Variants in PKD2L2 observed in about 807,000 individuals in gnomAD.
The protein encoded by PKD2L2 is polycystin 2 like 2, transient receptor potential cation channel.
Under a neutral mutation model 83.9 loss-of-function variants are expected in PKD2L2, and 67 were observed. The observed-to-expected ratio is 0.80, with a 90% confidence interval of 0.66 to 0.98. The LOEUF is 0.98. Among genes scored for constraint, PKD2L2 ranks in the 50% least tolerant of loss-of-function variants. PKD2L2 has a pLI of 0.00. For missense variants in PKD2L2, 632 were observed against 717.2 expected (o/e 0.88, Z 1.36); for synonymous variants, 223 against 237.8 (o/e 0.94, Z 0.57).
At chr5:137,906,090 TA>T (rs201291362) in intron 5 of PKD2L2, 115 bp from the exon 6 acceptor site, 101 of 613,742 alleles carry the variant, frequency 1.6e-4, no homozygotes, top group Non-Finnish European at 2.3e-4. Flanking sequence ...AATACTTTAT[TA>T]AAAAAAACTG....
At chr5:137,922,646 G>A (rs1024097894) in intron 9 of PKD2L2, among the ~76,000 whole-genome samples, 3 of 152,074 alleles carry the variant, frequency 2.0e-5, no homozygotes, top group African/African-American at 7.2e-5. Context: ...GCTGGGGCAT[G>A]AGAATCGCTT....
chr5:137,894,356 AT>A lies in PKD2L2; in HGVS notation c.272del (p.Met91ArgfsTer23). On this transcript the variant is annotated frameshift_variant, in exon 4 of 15. Transcript: ENST00000508883. LOFTEE classifies it high-confidence loss of function. Reference protein sequence around the residue: ...IRSITDFWKFMEGPLLEGLYW... With the variant: ...IRSITDFWKFXEGPLLEGLYW... Reference sequence around the variant, plus strand: ...ACATTTGTTTTTCTCTGTGGAGTTTATGGAAGGACCCCTTTTGGAAGGTCTG... The same window carrying A: ...ACATTTGTTTTTCTCTGTGGAGTTTAGGAAGGACCCCTTTTGGAAGGTCTG... The A allele has an allele frequency of 6.3e-7, 1 of 1,597,616 alleles. No homozygotes were observed. Among genetic ancestry groups the A allele is most frequent in the Non-Finnish European group, 8.5e-7 (1 of 1,176,382 alleles).
intron 8 of PKD2L2, among the ~76,000 whole-genome samples, chr5:137,920,609 T>C (rs1161284517): frequency 6.6e-6 from 1 of 151,866 alleles, no homozygotes; most frequent in African/African-American, 2.4e-5. Flanking sequence ...ATACAAAAAT[T>C]AGCTGGGCGT....
intron 8 of PKD2L2, among the ~76,000 whole-genome samples, chr5:137,914,868 C>T (rs925795423): frequency 1.3e-5 from 2 of 152,008 alleles, no homozygotes; most frequent in Non-Finnish European, 2.9e-5. Context: ...TTTTTTCTGC[C>T]TCTATTAAGA....
chr5:137,907,946 C>G (rs779072719), intron 7 of PKD2L2, 34 bp downstream of exon 7: 2 of 918,292 alleles, frequency 2.2e-6, no homozygotes, highest in Non-Finnish European at 3.2e-6. Context: ...ATAATACAAG[C>G]AGTGTAATAG....
chr5:137,911,437 G>A (rs1440334224), intron 8 of PKD2L2, among the ~76,000 whole-genome samples: 1 of 152,174 alleles, frequency 6.6e-6, no homozygotes, highest in Non-Finnish European at 1.5e-5. Context: ...GAACATGGAT[G>A]TATAAATATC....
At chr5:137,923,241 C>T (rs1294042616) in intron 9 of PKD2L2, among the ~76,000 whole-genome samples, 179 bp from the exon 10 acceptor site, 1 of 152,086 alleles carries the variant, frequency 6.6e-6, no homozygotes, top group Non-Finnish European at 1.5e-5. Flanking sequence ...ATCTTGAACT[C>T]CTGTCCTCAA....
rs562456982 is a variant in PKD2L2 at position 137,897,000 on chromosome 5, C to T, written c.524+2391C>T. On this transcript the variant is annotated intron_variant, in intron 4 of 14. Transcript: ENST00000508883. The stretch of plus-strand genomic sequence containing the variant: ...GAGGACTTGTATGATTCTTATAAAT[C>T]GAATACATTCATAAGTATGATGATA... 1.6e-4 allele frequency among the ~76,000 whole-genome samples: 24 copies of T among 147,078 alleles called. No individual in the cohort carries two copies. The South Asian group carries it at 4.3e-3, about 26-fold the overall frequency.
chr5:137,897,684 C>T (rs1253412921), intron 4 of PKD2L2, among the ~76,000 whole-genome samples: 1 of 152,162 alleles, frequency 6.6e-6, no homozygotes, highest in African/African-American at 2.4e-5. Flanking sequence ...TCTGGTGTAA[C>T]AGATCTTCCT....
chr5:137,910,511 G>A (rs571712970), intron 8 of PKD2L2, among the ~76,000 whole-genome samples: 5 of 151,936 alleles, frequency 3.3e-5, no homozygotes, highest in South Asian at 2.1e-4. Context: ...GATGGTTCGC[G>A]CCTGTAATGC....
At chr5:137,908,407 G>A (rs1472528361) in intron 7 of PKD2L2, among the ~76,000 whole-genome samples, 3 of 152,080 alleles carry the variant, frequency 2.0e-5, no homozygotes, top group Non-Finnish European at 4.4e-5. Context: ...GGCCAACATG[G>A]TGAAATCCTG....
chr5:137,889,605 AT>A, intron 1 of PKD2L2, 83 bp downstream of exon 1: 1 of 1,280,800 alleles, frequency 7.8e-7, no homozygotes, highest in Non-Finnish European at 1.1e-6. Context: ...GCGGCCCCAA[AT>A]TCGTTTGAGA....
chr5:137,890,618 A>C, intron 2 of PKD2L2, 36 bp downstream of exon 2: 1 of 887,232 alleles, frequency 1.1e-6, no homozygotes, highest in Non-Finnish European at 1.7e-6. Flanking sequence ...GTTTGTTTGA[A>C]CTAAGAAGTT....
At chr5:137,922,708 A>G (rs935323201) in intron 9 of PKD2L2, among the ~76,000 whole-genome samples, 5 of 152,202 alleles carry the variant, frequency 3.3e-5, no homozygotes, top group African/African-American at 1.2e-4. Flanking sequence ...ACTGCACTCC[A>G]GCCTGGGCAA....
chr5:137,916,017 TAC>T, intron 8 of PKD2L2, among the ~76,000 whole-genome samples: 2 of 127,246 alleles, frequency 1.6e-5, no homozygotes, highest in African/African-American at 5.5e-5. Context: ...CAATTATGTA[TAC>T]ACACATTTTT....
intron 8 of PKD2L2, among the ~76,000 whole-genome samples, chr5:137,918,704 C>G (rs993113838): frequency 3.9e-5 from 6 of 152,158 alleles, no homozygotes; most frequent in Non-Finnish European, 8.8e-5. Flanking sequence ...CAAGCCTTTC[C>G]CTGGAAGTTG....
In PKD2L2 at chr5:137,899,639, T is replaced by C; in HGVS notation, c.648T>C (p.Ile216=). ...KSKSETKNKF[I]DLRLNSWITR... is the part of the protein sequence containing the mutation. ...AATCTGAAACCAAAAACAAGTTCAT[T>C]GACCTTCGACTGAACAGCTGGATCA... is the stretch of plus-strand genomic sequence containing the variant. The change falls in exon 5 of 15, where the codon ATT becomes ATC. Residue 216 remains isoleucine, a synonymous_variant. Transcript: ENST00000508883. 1 of 1,613,704 alleles carries C rather than the reference T, an allele frequency of 6.2e-7. No homozygotes were observed.
At chr5:137,910,817 A>G (rs576612983) in intron 8 of PKD2L2, among the ~76,000 whole-genome samples, 10 of 151,314 alleles carry the variant, frequency 6.6e-5, no homozygotes, top group African/African-American at 1.9e-4. Context: ...GCTGGATGAC[A>G]TAGAAAACAA....
At chr5:137,927,822 G>C (rs1196996843) in intron 12 of PKD2L2, among the ~76,000 whole-genome samples, 1 of 152,116 alleles carries the variant, frequency 6.6e-6, no homozygotes. Flanking sequence ...CGTTGGCCAG[G>C]CTGGTCTCGA....
Sources: allele counts gnomAD v4.1 joint callset (sites outside exome capture counted in the v4.1 genomes callset), GRCh38; gene constraint gnomAD v4.1.1; transcripts MANE v1.5; gene names NCBI Gene and HGNC (gene_info 2026-07-23, HGNC 2026-07-21).